The following ZFYVE9 variants were observed in gnomAD, a reference collection of about 807,000 sequenced individuals.
ZFYVE9 encodes the protein zinc finger FYVE-type containing 9, also known as zinc finger FYVE domain-containing protein 9.
ZFYVE9 carries 43 observed loss-of-function variants against 126.7 expected under a neutral mutation model. The observed-to-expected ratio is 0.34, with a 90% confidence interval of 0.27 to 0.44. The LOEUF (loss-of-function observed/expected upper bound fraction) is 0.44, where lower values mean the gene tolerates loss of function less well. Ranked by LOEUF, ZFYVE9 falls within the 20% of genes least tolerant of loss-of-function variation. The probability of loss-of-function intolerance (pLI) is 1.00; values close to 1 mark genes in which losing one functional copy is unlikely to be tolerated. For missense variants in ZFYVE9, 1,476 were observed against 1,697.0 expected (o/e 0.87, Z 2.29); for synonymous variants, 521 against 597.4 (o/e 0.87, Z 1.87).
intron 8 of ZFYVE9, 47 bp downstream of exon 8, chr1:52,274,631 G>A (rs747776642): frequency 2.6e-6 from 4 of 1,516,608 alleles, no homozygotes; most frequent in East Asian, 4.7e-5. Flanking sequence ...TCTGCCAAAT[G>A]TTACCTTCTA....
intron 1 of ZFYVE9, among the ~76,000 whole-genome samples, chr1:52,143,939 G>A (rs1250539875): frequency 1.3e-5 from 2 of 152,182 alleles, no homozygotes; most frequent in African/African-American, 2.4e-5. Context: ...TTCATTACCA[G>A]TTATTTGGGT....
intron 15 of ZFYVE9, among the ~76,000 whole-genome samples, chr1:52,335,462 C>T (rs1219034611): frequency 3.9e-5 from 6 of 152,110 alleles, no homozygotes; most frequent in Non-Finnish European, 8.8e-5. Context: ...GAGGCCTGGC[C>T]TGGGATGATT....
intron 13 of ZFYVE9, among the ~76,000 whole-genome samples, chr1:52,311,067 C>T (rs1230772608): frequency 1.3e-5 from 2 of 151,988 alleles, no homozygotes; most frequent in Admixed American, 6.6e-5. Context: ...GGTCTTACTG[C>T]GTTGCCCAGG....
At chr1:52,181,813 C>G (rs1357142131) in intron 1 of ZFYVE9, among the ~76,000 whole-genome samples, 1 of 151,378 alleles carries the variant, frequency 6.6e-6, no homozygotes, top group African/African-American at 2.4e-5. Context: ...TGGCTGGCCG[C>G]CCCGTCTGAG....
At chr1:52,344,478 C>A (rs2147880468) in intron 17 of ZFYVE9, among the ~76,000 whole-genome samples, 1 of 152,286 alleles carries the variant, frequency 6.6e-6, no homozygotes, top group East Asian at 1.9e-4. Flanking sequence ...AAATGGAGGC[C>A]TTTTCTAGTT....
At chr1:52,316,541 C>T (rs1646187412) in intron 13 of ZFYVE9, among the ~76,000 whole-genome samples, 1 of 150,848 alleles carries the variant, frequency 6.6e-6, no homozygotes, top group Non-Finnish European at 1.5e-5. Flanking sequence ...TTAATTAAAG[C>T]TGAAATGGCT....
At chr1:52,324,931 T>C (rs146607899) in intron 13 of ZFYVE9, among the ~76,000 whole-genome samples, 145 of 152,140 alleles carry the variant, frequency 9.5e-4, no homozygotes, top group African/African-American at 3.3e-3. Context: ...GCCCCAAGAT[T>C]TGAAACCAGC....
chr1:52,307,291 A>G (rs2104045), intron 13 of ZFYVE9, among the ~76,000 whole-genome samples: 7,166 of 152,110 alleles, frequency 0.047, 566 homozygotes, highest in African/African-American at 0.16. Flanking sequence ...GCTGGAGTGC[A>G]GTGGCACAAT....
intron 2 of ZFYVE9, among the ~76,000 whole-genome samples, chr1:52,229,421 T>G (rs1017003087): frequency 5.3e-5 from 8 of 152,230 alleles, no homozygotes; most frequent in African/African-American, 1.2e-4. Flanking sequence ...ATACATTTCC[T>G]TCTTTGAAAT....
intron 1 of ZFYVE9, among the ~76,000 whole-genome samples, chr1:52,197,408 A>G (rs186151757): frequency 2.0e-4 from 30 of 152,300 alleles, no homozygotes; most frequent in Non-Finnish European, 3.2e-4. Context: ...AGAACCCAGA[A>G]AAGAGGTCAC....
chr1:52,241,410 C>T (rs1645332766), intron 4 of ZFYVE9, among the ~76,000 whole-genome samples: 1 of 152,220 alleles, frequency 6.6e-6, no homozygotes, highest in South Asian at 2.1e-4. Flanking sequence ...AGCTGAAGTA[C>T]TATTTGTAGA....
At chr1:52,162,594 G>T (rs1188879395) in intron 1 of ZFYVE9, 1 of 257,078 alleles carries the variant, frequency 3.9e-6, no homozygotes, top group South Asian at 6.6e-5. Flanking sequence ...ACCATTCAAA[G>T]GTCCATATCA....
chr1:52,177,929 A>T (rs1010732964), intron 1 of ZFYVE9, among the ~76,000 whole-genome samples: 1 of 151,422 alleles, frequency 6.6e-6, no homozygotes, highest in Non-Finnish European at 1.5e-5. Flanking sequence ...TTCATATACT[A>T]TGAAAAGTAG....
chr1:52,231,457 G>A (rs369594974), intron 2 of ZFYVE9, among the ~76,000 whole-genome samples: 1 of 151,858 alleles, frequency 6.6e-6, no homozygotes, highest in African/African-American at 2.4e-5. Context: ...GGGGGAGGTT[G>A]CAGTGAGCTG....
At chr1:52,272,164 T>G (rs1161744109) in intron 7 of ZFYVE9, among the ~76,000 whole-genome samples, 1 of 152,202 alleles carries the variant, frequency 6.6e-6, no homozygotes, top group Non-Finnish European at 1.5e-5. Flanking sequence ...GTTTTAATGT[T>G]TGTTCAGGTA....
At chr1:52,146,266 G>T (rs1211176814) in intron 1 of ZFYVE9, among the ~76,000 whole-genome samples, 1 of 152,080 alleles carries the variant, frequency 6.6e-6, no homozygotes, top group Non-Finnish European at 1.5e-5. Context: ...TATCCTGTGG[G>T]TTCCTGGAAC....
At chr1:52,277,431 A>G (rs1398140822) in intron 8 of ZFYVE9, among the ~76,000 whole-genome samples, 1 of 152,196 alleles carries the variant, frequency 6.6e-6, no homozygotes, top group African/African-American at 2.4e-5. Context: ...ACAGTGAATT[A>G]TCTATATTAC....
chr1:52,163,800 C>T (rs1022018524), intron 1 of ZFYVE9, among the ~76,000 whole-genome samples: 3 of 151,268 alleles, frequency 2.0e-5, no homozygotes, highest in African/African-American at 7.3e-5. Context: ...ATAGTGAGAC[C>T]TCATCTAAAT....
chr1:52,159,587 C>T (rs992322742), intron 1 of ZFYVE9, among the ~76,000 whole-genome samples: 3 of 152,102 alleles, frequency 2.0e-5, no homozygotes, highest in African/African-American at 7.2e-5. Flanking sequence ...TATGAGTAGT[C>T]ATTGGGTGGG....
Sources: gnomAD v4.1 joint callset for allele counts (sites outside exome capture counted in the v4.1 genomes callset) on GRCh38, gnomAD v4.1.1 for gene constraint, MANE v1.5 for transcripts, NCBI Gene and HGNC (gene_info 2026-07-23, HGNC 2026-07-21) for gene names.